CTNND2: variants seen among roughly 807,000 people sequenced by gnomAD.
The protein encoded by CTNND2 is catenin delta 2.
In CTNND2, 22 loss-of-function variants were observed where a neutral mutation model predicts 144.4. The ratio of observed to expected loss-of-function variants is 0.15; its 90% CI spans 0.11 to 0.22. The LOEUF is 0.22. Among genes scored for constraint, CTNND2 ranks in the 10% least tolerant of loss-of-function variants. The pLI, the probability that CTNND2 is intolerant of heterozygous loss-of-function variation, is 1.00. For missense variants in CTNND2, 1,353 were observed against 1,618.8 expected (o/e 0.84, Z 2.82); for synonymous variants, 751 against 695.6 (o/e 1.08, Z -1.25).
At chr5:11,689,264 A>G (rs1186006056) in intron 2 of CTNND2, among the ~76,000 whole-genome samples, 1 of 152,142 alleles carries the variant, frequency 6.6e-6, no homozygotes, top group African/African-American at 2.4e-5. Context: ...AATCTGCAAA[A>G]ATGGGAATGA....
chr5:11,249,356 A>G (rs959687479), intron 9 of CTNND2, among the ~76,000 whole-genome samples: 1 of 152,188 alleles, frequency 6.6e-6, no homozygotes, highest in Non-Finnish European at 1.5e-5. Flanking sequence ...CATGGGACAT[A>G]TCAGTAAGAG....
At chr5:11,404,602 C>CT (rs555388304) in intron 5 of CTNND2, among the ~76,000 whole-genome samples, 7,205 of 57,040 alleles carry the variant, frequency 0.13, 2,719 homozygotes, top group Non-Finnish European at 0.22. Context: ...TATCTGTATT[C>CT]TTTTTTTTTT....
At chr5:11,215,736 A>G (rs1417138366) in intron 10 of CTNND2, among the ~76,000 whole-genome samples, 1 of 152,258 alleles carries the variant, frequency 6.6e-6, no homozygotes, top group African/African-American at 2.4e-5. Flanking sequence ...TAGGATGTTC[A>G]TCACAGAGAA....
At chr5:11,283,705 A>AAGAG (rs1554020548) in intron 9 of CTNND2, among the ~76,000 whole-genome samples, 29 of 123,382 alleles carry the variant, frequency 2.4e-4, no homozygotes, top group South Asian at 7.7e-4. Context: ...AAAAAAAAAA[A>AAGAG]AGAGAGAGAC....
chr5:11,288,811 AAAG>A (rs1468378573), intron 9 of CTNND2, among the ~76,000 whole-genome samples: 2 of 151,620 alleles, frequency 1.3e-5, no homozygotes, highest in Admixed American at 6.6e-5. Context: ...TGAGAAAAAA[AAAG>A]AAAACCAAAA....
chr5:11,066,045 T>G (rs1242653876), intron 16 of CTNND2, among the ~76,000 whole-genome samples: 1 of 11,162 alleles, frequency 9.0e-5, no homozygotes, highest in Non-Finnish European at 1.8e-4. Flanking sequence ...TCTTTTATCT[T>G]TTTTTTTTTT....
At chr5:11,466,637 A>G (rs2149945228) in intron 3 of CTNND2, among the ~76,000 whole-genome samples, 1 of 152,332 alleles carries the variant, frequency 6.6e-6, no homozygotes, top group African/African-American at 2.4e-5. Flanking sequence ...AAGTACTTTA[A>G]GAAATCATGT....
At chr5:11,824,998 C>G (rs1192467513) in intron 1 of CTNND2, among the ~76,000 whole-genome samples, 1 of 152,176 alleles carries the variant, frequency 6.6e-6, no homozygotes, top group Admixed American at 6.5e-5. Context: ...AGCTAAACTA[C>G]TGGATTATTG....
chr5:11,622,121 C>A (rs1176776353), intron 2 of CTNND2, among the ~76,000 whole-genome samples: 1 of 152,108 alleles, frequency 6.6e-6, no homozygotes, highest in Non-Finnish European at 1.5e-5. Flanking sequence ...AAGAACATCA[C>A]CCCATGCCTT....
At chr5:11,255,396 G>C (rs553327754) in intron 9 of CTNND2, among the ~76,000 whole-genome samples, 63 of 152,266 alleles carry the variant, frequency 4.1e-4, no homozygotes, top group Non-Finnish European at 6.6e-4. Flanking sequence ...TAGAACTTTC[G>C]ACAGGCAAGT....
At chr5:11,750,356 G>A (rs1788543028) in intron 1 of CTNND2, among the ~76,000 whole-genome samples, 1 of 151,888 alleles carries the variant, frequency 6.6e-6, no homozygotes, top group African/African-American at 2.4e-5. Flanking sequence ...AGAGATTGAA[G>A]AGTAACTATG....
At chr5:11,628,475 G>A (rs1177677844) in intron 2 of CTNND2, among the ~76,000 whole-genome samples, 2 of 152,102 alleles carry the variant, frequency 1.3e-5, no homozygotes, top group African/African-American at 4.8e-5. Context: ...ACCTGCCCAA[G>A]GTCACACAAA....
intron 11 of CTNND2, among the ~76,000 whole-genome samples, chr5:11,192,112 T>C (rs1023224281): frequency 6.6e-6 from 1 of 152,222 alleles, no homozygotes; most frequent in Non-Finnish European, 1.5e-5. Flanking sequence ...CTGCTGCCAG[T>C]ATCTAAATGT....
chr5:11,779,099 G>A (rs370382366), intron 1 of CTNND2, among the ~76,000 whole-genome samples: 17 of 152,156 alleles, frequency 1.1e-4, no homozygotes, highest in African/African-American at 2.6e-4. Context: ...AGGCCACAGC[G>A]TCCTCATGCA....
At position 11,558,349 on chromosome 5, in the gene CTNND2, TGTGTGTG is replaced by T. The variant is rs1561554278; in HGVS notation, c.287+6588_287+6594del. Among the ~76,000 whole-genome samples the T allele has an allele frequency of 1.0e-4, 10 of 97,226 alleles. No homozygotes were observed. In the East Asian group the frequency reaches 3.0e-3, roughly 29 times the overall value. The allele number at this position is 97,226 out of a possible 152,430, so 63.8% of individuals were successfully genotyped here. On this transcript the variant is annotated intron_variant, in intron 3 of 21. Coordinates refer to ENST00000304623, the MANE Select transcript of CTNND2 (RefSeq NM_001332.4). The stretch of plus-strand genomic sequence containing the variant: ...TTTGGCTGTGAGAAACACGTGTGTG[TGTGTGTG>T]TGTGTGTGTGTGTGTGTGTGTGTGT...
intron 7 of CTNND2, among the ~76,000 whole-genome samples, chr5:11,365,317 T>C (rs948686471): frequency 6.6e-6 from 1 of 152,246 alleles, no homozygotes; most frequent in Admixed American, 6.5e-5. Context: ...GCCATCTTGA[T>C]GTTGTTCCTA....
chr5:11,499,661 T>C (rs1021950716), intron 3 of CTNND2, among the ~76,000 whole-genome samples: 4 of 152,208 alleles, frequency 2.6e-5, no homozygotes, highest in African/African-American at 9.7e-5. Context: ...GCAATTCTCA[T>C]GCCAATTATC....
intron 1 of CTNND2, among the ~76,000 whole-genome samples, chr5:11,805,497 T>C (rs1049961258): frequency 3.3e-5 from 5 of 151,814 alleles, no homozygotes; most frequent in Admixed American, 2.0e-4. Context: ...GAGAACCTCA[T>C]AATGCCAGAA....
At chr5:11,174,125 A>G (rs1381938720) in intron 11 of CTNND2, among the ~76,000 whole-genome samples, 1 of 152,152 alleles carries the variant, frequency 6.6e-6, no homozygotes, top group Non-Finnish European at 1.5e-5. Context: ...GGTGAGGAAC[A>G]CTGGAGGAGG....
Sources: allele counts gnomAD v4.1 joint callset (sites outside exome capture counted in the v4.1 genomes callset), GRCh38; gene constraint gnomAD v4.1.1; transcripts MANE v1.5; gene names NCBI Gene and HGNC (gene_info 2026-07-23, HGNC 2026-07-21).